Variants in GLRA3 observed in about 807,000 individuals in gnomAD.
GLRA3 encodes glycine receptor subunit alpha-3.
Under a neutral mutation model 60.4 loss-of-function variants are expected in GLRA3, and 44 were observed. The observed-to-expected ratio is 0.73, with a 90% CI of 0.57 to 0.94. The LOEUF (loss-of-function observed/expected upper bound fraction) is 0.94. GLRA3 is among the 40% of genes least tolerant of loss of function. The probability of loss-of-function intolerance (pLI) is 0.00; values close to 1 mark genes in which losing one functional copy is unlikely to be tolerated. For synonymous variants in GLRA3, 223 were observed against 192.9 expected, an observed-to-expected ratio of 1.16 and a Z score of -1.29; for missense variants, 508 against 564.6, an observed-to-expected ratio of 0.90 and a Z score of 1.02.
chr4:174,801,324 A>T (rs1333810065), intron 1 of GLRA3, among the ~76,000 whole-genome samples: 2 of 152,078 alleles, frequency 1.3e-5, no homozygotes, highest in Non-Finnish European at 2.9e-5. Context: ...TATCCAGTCT[A>T]ATAGTTTCAG....
intron 1 of GLRA3, among the ~76,000 whole-genome samples, chr4:174,803,974 TA>T (rs1189652748): frequency 6.6e-6 from 1 of 152,202 alleles, no homozygotes; most frequent in Non-Finnish European, 1.5e-5. Flanking sequence ...TAGTTTTCCT[TA>T]AATAATTTCT....
intron 5 of GLRA3, among the ~76,000 whole-genome samples, chr4:174,714,921 A>G (rs1282842403): frequency 6.6e-6 from 1 of 152,196 alleles, no homozygotes; most frequent in Non-Finnish European, 1.5e-5. Context: ...AATCTGTGAG[A>G]AAGTGTGAGA....
At chr4:174,723,196 A>G (rs1253857688) in intron 4 of GLRA3, among the ~76,000 whole-genome samples, 1 of 152,096 alleles carries the variant, frequency 6.6e-6, no homozygotes, top group Non-Finnish European at 1.5e-5. Context: ...TAAGTGTTCA[A>G]TATAATAAAT....
intron 9 of GLRA3, among the ~76,000 whole-genome samples, chr4:174,650,235 A>T (rs1447862435): frequency 6.6e-6 from 1 of 152,314 alleles, no homozygotes; most frequent in South Asian, 2.1e-4. Flanking sequence ...TGGCACTGTT[A>T]AAATTTGGCA....
At chr4:174,773,453 C>T (rs1180619844) in intron 2 of GLRA3, among the ~76,000 whole-genome samples, 1 of 137,728 alleles carries the variant, frequency 7.3e-6, no homozygotes, top group Non-Finnish European at 1.6e-5. Context: ...CTAGGCAGAC[C>T]TAGAGCAAGT....
chr4:174,732,454 T>G (rs536874153), intron 3 of GLRA3, among the ~76,000 whole-genome samples: 4 of 152,006 alleles, frequency 2.6e-5, no homozygotes, highest in African/African-American at 7.2e-5. Context: ...ATACAAAACT[T>G]AAATCCTTAT....
chr4:174,808,631 C>T (rs1010220198), intron 1 of GLRA3, among the ~76,000 whole-genome samples: 7 of 152,010 alleles, frequency 4.6e-5, no homozygotes, highest in African/African-American at 1.4e-4. Flanking sequence ...CAGAAGAAGG[C>T]GTTGCTATTG....
intron 3 of GLRA3, among the ~76,000 whole-genome samples, chr4:174,729,726 C>T (rs888231648): frequency 6.6e-6 from 1 of 151,992 alleles, no homozygotes; most frequent in Non-Finnish European, 1.5e-5. Flanking sequence ...AAATATAGAC[C>T]TCATTGTAAG....
chr4:174,720,419 T>G (rs778062329), intron 4 of GLRA3, among the ~76,000 whole-genome samples: 1 of 152,316 alleles, frequency 6.6e-6, no homozygotes, highest in Middle Eastern at 3.4e-3. Context: ...TAATGTATTT[T>G]AATACATTAT....
At chr4:174,711,521 C>T (rs1735719369) in intron 5 of GLRA3, among the ~76,000 whole-genome samples, 2 of 151,418 alleles carry the variant, frequency 1.3e-5, no homozygotes, top group African/African-American at 4.8e-5. Flanking sequence ...CTCACTGCAA[C>T]CCCCACCTCC....
In GLRA3 at chr4:174,638,009, T is replaced by C. The variant is rs1371772766; in HGVS notation, c.*5777A>G. On this transcript the variant is annotated 3_prime_UTR_variant, in exon 10 of 10. Transcript: ENST00000274093. ...CTAGTGATAAGGGGTTGATTGAACT[T>C]AAACACAGACAGCAGAAATGTGAAA... The C allele has an allele frequency of 6.6e-6, 1 of 152,198 alleles. No homozygotes were observed. Among genetic ancestry groups the C allele is most frequent in the Non-Finnish European group, 1.5e-5 (1 of 68,022 alleles). The allele number at this position is 152,198 out of a possible 1,614,324, so 9.4% of individuals were successfully genotyped here.
intron 7 of GLRA3, among the ~76,000 whole-genome samples, chr4:174,670,682 T>C (rs926885949): frequency 6.6e-6 from 1 of 152,164 alleles, no homozygotes. Flanking sequence ...CCTGTCTCTA[T>C]CTCAAGTACA....
intron 2 of GLRA3, among the ~76,000 whole-genome samples, chr4:174,770,891 C>A (rs1479150895): frequency 6.6e-6 from 1 of 151,878 alleles, no homozygotes; most frequent in Non-Finnish European, 1.5e-5. Context: ...CCATGGAATA[C>A]TATGCAGCCA....
At chr4:174,732,329 T>G (rs111748271) in intron 3 of GLRA3, among the ~76,000 whole-genome samples, 105 of 148,392 alleles carry the variant, frequency 7.1e-4, no homozygotes, top group African/African-American at 2.5e-3. Context: ...CACTCCAGCC[T>G]GGCGACAGAG....
chr4:174,816,750 C>T (rs1258768047), intron 1 of GLRA3, among the ~76,000 whole-genome samples: 1 of 151,966 alleles, frequency 6.6e-6, no homozygotes, highest in Non-Finnish European at 1.5e-5. Flanking sequence ...CTGATCAACA[C>T]ATTTTCTTCA....
intron 6 of GLRA3, among the ~76,000 whole-genome samples, chr4:174,678,637 A>G (rs1734220168): frequency 6.6e-6 from 1 of 152,208 alleles, no homozygotes; most frequent in African/African-American, 2.4e-5. Context: ...AAAAGTTCAT[A>G]AAGTCCAGAA....
At chr4:174,701,160 C>T (rs1021913813) in intron 5 of GLRA3, among the ~76,000 whole-genome samples, 3 of 152,166 alleles carry the variant, frequency 2.0e-5, no homozygotes, top group Non-Finnish European at 4.4e-5. Context: ...AAAGAACAGG[C>T]TGACTCTCTT....
At chr4:174,710,928 C>A (rs549042409) in intron 5 of GLRA3, among the ~76,000 whole-genome samples, 3 of 151,994 alleles carry the variant, frequency 2.0e-5, no homozygotes, top group African/African-American at 4.8e-5. Flanking sequence ...TTAGTGAAAT[C>A]ATTTTTATTA....
intron 2 of GLRA3, among the ~76,000 whole-genome samples, chr4:174,770,895 G>T (rs1371149339): frequency 2.0e-5 from 3 of 151,832 alleles, no homozygotes; most frequent in Admixed American, 6.6e-5. Flanking sequence ...GGAATACTAT[G>T]CAGCCATAAA....
Sources: gnomAD v4.1 joint callset for allele counts (sites outside exome capture counted in the v4.1 genomes callset) on GRCh38, gnomAD v4.1.1 for gene constraint, MANE v1.5 for transcripts, NCBI Gene and HGNC (gene_info 2026-07-23, HGNC 2026-07-21) for gene names.